The following WIPF1 variants were observed in gnomAD, a reference collection of about 807,000 sequenced individuals.
WIPF1 encodes WAS/WASL interacting protein family member 1.
A neutral mutation model predicts 35.4 loss-of-function variants in WIPF1; 13 were observed. The observed-to-expected ratio is 0.37, with a 90% CI of 0.24 to 0.58. WIPF1 has a LOEUF of 0.58. WIPF1 is among the 20% of genes least tolerant of loss of function. The probability of loss-of-function intolerance (pLI) is 0.74; values close to 1 mark genes in which losing one functional copy is unlikely to be tolerated. For synonymous variants in WIPF1, 267 were observed against 266.3 expected, an observed-to-expected ratio of 1.00 and a Z score of -0.02; for missense variants, 591 against 667.0, an observed-to-expected ratio of 0.89 and a Z score of 1.25.
rs150512218 is a variant in WIPF1, at chr2:174,664,298, G to A, written c.-39+18476C>T. Among the ~76,000 whole-genome samples the A allele has an allele frequency of 3.2e-4, 48 of 152,292 alleles. No homozygotes were observed. In the South Asian group the frequency reaches 5.0e-3, roughly 16 times the overall value. ...CAGCGCAGGGAGTGCGGAGGAGCTC[G>A]TTCACTCTCTGCACTGGGACCTGTG... On this transcript the variant is annotated intron_variant, in intron 1 of 8. Coordinates refer to the WIPF1 transcript ENST00000272746.
chr2:174,585,396 G>A (rs1333779133), intron 2 of WIPF1, 127 bp downstream of exon 2: 5 of 988,174 alleles, frequency 5.1e-6, no homozygotes, highest in African/African-American at 4.8e-5. Context: ...CCTGGGCACT[G>A]GGAAAGCCTG....
intron 1 of WIPF1, among the ~76,000 whole-genome samples, chr2:174,677,503 A>G (rs1447252719): frequency 6.6e-6 from 1 of 152,236 alleles, no homozygotes; most frequent in Non-Finnish European, 1.5e-5. Flanking sequence ...GCCCAGAACA[A>G]TAGCGATGGA....
rs1158052520 is a variant in WIPF1 at position 174,595,109 on chromosome 2, A to AATATATAT, written c.-39+2484_-39+2491dup. 8.7e-4 allele frequency among the ~76,000 whole-genome samples: 50 copies of AATATATAT among 57,740 alleles called. 1 individual carries two copies. The highest frequency in any genetic ancestry group is 2.1e-3 in the African/African-American group (23 of 11,148). 37.9% of individuals were successfully genotyped at this position (57,740 alleles called of 152,430 possible). On this transcript the variant is annotated intron_variant, in intron 1 of 7. Transcript: ENST00000679041. The stretch of plus-strand genomic sequence containing the variant: ...TCTACAAAAAAAAAAAAAAAAAAAA[A>AATATATAT]ATATATATATATATATATATATATA...
At chr2:174,670,072 G>A (rs747024627) in intron 1 of WIPF1, among the ~76,000 whole-genome samples, 56 of 152,048 alleles carry the variant, frequency 3.7e-4, no homozygotes, top group Non-Finnish European at 5.4e-4. Flanking sequence ...TTCCTAATGA[G>A]TTTTCCTAAA....
chr2:174,623,243 T>C (rs975976036), intron 1 of WIPF1, among the ~76,000 whole-genome samples: 1 of 152,222 alleles, frequency 6.6e-6, no homozygotes, highest in Non-Finnish European at 1.5e-5. Context: ...CAATAAACAT[T>C]TACTTTATCA....
At chr2:174,668,772 G>A (rs1559177644) in intron 1 of WIPF1, among the ~76,000 whole-genome samples, 1 of 152,214 alleles carries the variant, frequency 6.6e-6, no homozygotes, top group Admixed American at 6.5e-5. Flanking sequence ...AACAAACAGA[G>A]GGACATGAAC....
intron 5 of WIPF1, among the ~76,000 whole-genome samples, chr2:174,569,082 T>C (rs1419406809): frequency 6.6e-6 from 1 of 152,242 alleles, no homozygotes; most frequent in African/African-American, 2.4e-5. Context: ...TTAGTAATTA[T>C]GCCTGCTCTT....
At chr2:174,654,766 T>C (rs1229250846) in intron 1 of WIPF1, among the ~76,000 whole-genome samples, 1 of 152,112 alleles carries the variant, frequency 6.6e-6, no homozygotes, top group Non-Finnish European at 1.5e-5. Context: ...CTCAACCCTA[T>C]GTCCTGAACT....
At chr2:174,656,563 A>T (rs994547520) in intron 1 of WIPF1, among the ~76,000 whole-genome samples, 37 of 152,200 alleles carry the variant, frequency 2.4e-4, no homozygotes, top group African/African-American at 8.2e-4. Flanking sequence ...TCTCCAATGA[A>T]AAGATATTCC....
At chr2:174,626,506 T>C (rs1686836046) in intron 1 of WIPF1, among the ~76,000 whole-genome samples, 1 of 152,236 alleles carries the variant, frequency 6.6e-6, no homozygotes, top group Non-Finnish European at 1.5e-5. Context: ...GCTGTCTGTC[T>C]CATAGACATT....
At position 174,591,000 on chromosome 2, in the gene WIPF1, T is replaced by A. The variant is rs1574814912; in HGVS notation, c.-38-5389A>T. On this transcript the variant is annotated intron_variant, in intron 1 of 7. Coordinates refer to ENST00000679041, the MANE Select transcript of WIPF1 (RefSeq NM_001375834.1). The surrounding 1 kb of genome is among the most constrained non-coding windows in gnomAD (Gnocchi z 4.6). ...GACCCTCAGGACCTCAGAAGGCAAC[T>A]GTATTTGGAGATAGGGTCTTTAAAG... 6.6e-6 allele frequency among the ~76,000 whole-genome samples: 1 copy of A among 152,290 alleles called. No homozygotes were observed. Among genetic ancestry groups the A allele is most frequent in the Admixed American group, 6.5e-5 (1 of 15,300 alleles).
At position 174,571,902 on chromosome 2, in the gene WIPF1, C is replaced by T. The variant is rs762111512; in HGVS notation, c.903G>A (p.Ser301=). Residue 301 remains serine, a synonymous_variant, in exon 5 of 8, where the codon TCG becomes TCA. Coordinates refer to ENST00000679041, the MANE Select transcript of WIPF1 (RefSeq NM_001375834.1). The surrounding 1 kb of genome is among the most constrained non-coding windows in gnomAD (Gnocchi z 4.6). Reference sequence around the variant, plus strand: ...GCGGAGGTGGGGCCTGTGAGGAGGCCGAAGGCCGCGGAGTGGAAGGCACTG... The same window carrying T: ...GCGGAGGTGGGGCCTGTGAGGAGGCTGAAGGCCGCGGAGTGGAAGGCACTG... ...KPPVPSTPRP[S]ASSQAPPPPP... is the part of the protein sequence containing the mutation. 7 of 1,610,732 alleles carry T rather than the reference C, an allele frequency of 4.3e-6. No individual in the cohort carries two copies. The highest frequency in any genetic ancestry group is 3.3e-5 in the South Asian group (3 of 90,600).
At chr2:174,681,820 G>C (rs1244705244) in intron 1 of WIPF1, among the ~76,000 whole-genome samples, 1 of 152,188 alleles carries the variant, frequency 6.6e-6, no homozygotes, top group Non-Finnish European at 1.5e-5. Flanking sequence ...CCAGGAGCCC[G>C]TGGCTGAAGA....
intron 1 of WIPF1, among the ~76,000 whole-genome samples, chr2:174,591,768 G>A (rs906400883): frequency 2.0e-5 from 3 of 151,724 alleles, no homozygotes; most frequent in Admixed American, 6.6e-5. Context: ...GGCTGGCATC[G>A]TTTGTCTTAC....
Position 174,561,795 on chromosome 2 carries a change from A to G in WIPF1, c.*752T>C. 1 of 316,322 alleles carries G rather than the reference A, an allele frequency of 3.2e-6. No individual in the cohort carries two copies. Among genetic ancestry groups the G allele is most frequent in the Admixed American group, 4.2e-5 (1 of 23,768 alleles). 19.6% of individuals were successfully genotyped at this position (316,322 alleles called of 1,614,324 possible). On this transcript the variant is annotated 3_prime_UTR_variant, in exon 8 of 8. Transcript: ENST00000679041. ...GTCTAATCCAGTAGCCACCAGCCAC[A>G]TGTGGCTACTGAGCACTTAAAAATG... is the stretch of plus-strand genomic sequence containing the variant.
intron 4 of WIPF1, 71 bp from the exon 5 acceptor site, chr2:174,572,517 T>C (rs1433812756): frequency 1.2e-5 from 19 of 1,586,022 alleles, no homozygotes; most frequent in Non-Finnish European, 1.5e-5. Context: ...CTAGAGTCTG[T>C]TCCCAGTGAC....
intron 1 of WIPF1, among the ~76,000 whole-genome samples, chr2:174,668,825 G>T (rs1417253304): frequency 6.6e-6 from 1 of 152,196 alleles, no homozygotes; most frequent in Admixed American, 6.5e-5. Flanking sequence ...ACAAAGCTGG[G>T]GCCATCTAGG....
chr2:174,614,254 G>A (rs1686440420), intron 1 of WIPF1, among the ~76,000 whole-genome samples: 2 of 152,162 alleles, frequency 1.3e-5, no homozygotes, highest in African/African-American at 4.8e-5. Flanking sequence ...GCCGAATGCC[G>A]AGCCACTTGT....
chr2:174,599,781 C>A (rs1012193962), upstream of WIPF1, among the ~76,000 whole-genome samples: 2 of 77,970 alleles, frequency 2.6e-5, no homozygotes, highest in Admixed American at 1.7e-4. Flanking sequence ...ACCCCAAACA[C>A]ACACACACAC....
Sources: allele counts gnomAD v4.1 joint callset (sites outside exome capture counted in the v4.1 genomes callset), GRCh38; gene constraint gnomAD v4.1.1; non-coding constraint Gnocchi (gnomAD v3.1); transcripts MANE v1.5; gene names NCBI Gene and HGNC (gene_info 2026-07-23, HGNC 2026-07-21).